The following ERBB4 variants were observed in gnomAD, a reference collection of about 807,000 sequenced individuals.
ERBB4 encodes erb-b2 receptor tyrosine kinase 4.
ERBB4 carries 42 observed loss-of-function variants against 158.0 expected under a neutral mutation model. The observed-to-expected ratio is 0.27, with a 90% CI of 0.21 to 0.34. ERBB4 has a LOEUF of 0.34. Among genes scored for constraint, ERBB4 ranks in the 10% least tolerant of loss-of-function variants. The probability of loss-of-function intolerance (pLI) is 1.00; values close to 1 mark genes in which losing one functional copy is unlikely to be tolerated. For synonymous variants in ERBB4, 583 were observed against 558.7 expected (o/e 1.04, Z -0.61); for missense variants, 1,333 against 1,624.1 (o/e 0.82, Z 3.08).
chr2:212,227,612 T>C (rs958267507), intron 1 of ERBB4, among the ~76,000 whole-genome samples: 1 of 152,166 alleles, frequency 6.6e-6, no homozygotes, highest in Non-Finnish European at 1.5e-5. Flanking sequence ...CAATGAACAT[T>C]AATTGAGCAT....
intron 19 of ERBB4, among the ~76,000 whole-genome samples, chr2:211,609,104 C>A (rs1574850920): frequency 6.6e-6 from 1 of 152,196 alleles, no homozygotes; most frequent in East Asian, 1.9e-4. Context: ...CTGACTTTCT[C>A]CTGTCCTCCT....
chr2:212,218,684 C>G (rs778811378), intron 1 of ERBB4, among the ~76,000 whole-genome samples: 1 of 151,322 alleles, frequency 6.6e-6, no homozygotes, highest in Non-Finnish European at 1.5e-5. Flanking sequence ...CTATAGTATT[C>G]ATATCTCACT....
rs915874431 is a variant in ERBB4, at chr2:211,379,191, G to A, written c.*4424C>T. 3 of 228,338 alleles carry A rather than the reference G, an allele frequency of 1.3e-5. No individual in the cohort carries two copies. Among genetic ancestry groups the A allele is most frequent in the African/African-American group, 6.7e-5 (3 of 44,844 alleles). 14.1% of individuals were successfully genotyped at this position (228,338 alleles called of 1,614,324 possible). Reference sequence around the variant, plus strand: ...AGAAAGGACATATCACCAATTAACTGTATTTTGTTTGTTTGCTAGCTAAAT... The same window carrying A: ...AGAAAGGACATATCACCAATTAACTATATTTTGTTTGTTTGCTAGCTAAAT... On this transcript the variant is annotated 3_prime_UTR_variant, in exon 28 of 28. Transcript: ENST00000342788.
chr2:211,588,454 A>G (rs2068357333), intron 19 of ERBB4, among the ~76,000 whole-genome samples: 1 of 152,186 alleles, frequency 6.6e-6, no homozygotes, highest in Non-Finnish European at 1.5e-5. Context: ...ATAGGTAGCT[A>G]AAAGAATGAG....
At chr2:211,771,916 G>T (rs778351293) in intron 4 of ERBB4, among the ~76,000 whole-genome samples, 1 of 152,026 alleles carries the variant, frequency 6.6e-6, no homozygotes, top group Non-Finnish European at 1.5e-5. Context: ...GGTGTACAAG[G>T]CCAACTACTA....
At chr2:212,260,745 G>A (rs558930232) in intron 1 of ERBB4, among the ~76,000 whole-genome samples, 3 of 151,926 alleles carry the variant, frequency 2.0e-5, no homozygotes, top group South Asian at 2.1e-4. Flanking sequence ...CCCAGGAGAC[G>A]GAGCTTGCAG....
intron 2 of ERBB4, among the ~76,000 whole-genome samples, chr2:212,063,511 A>C (rs2077843437): frequency 6.6e-6 from 1 of 152,128 alleles, no homozygotes; most frequent in Non-Finnish European, 1.5e-5. Flanking sequence ...GTAGTGCCTA[A>C]AAAGCAAAAC....
intron 1 of ERBB4, among the ~76,000 whole-genome samples, chr2:212,286,129 C>T (rs1416012827): frequency 6.6e-6 from 1 of 152,100 alleles, no homozygotes; most frequent in African/African-American, 2.4e-5. Flanking sequence ...GATTTCAAAG[C>T]AAGAGGTACA....
At chr2:211,892,585 G>C (rs1242079696) in intron 3 of ERBB4, among the ~76,000 whole-genome samples, 4 of 144,444 alleles carry the variant, frequency 2.8e-5, no homozygotes, top group Non-Finnish European at 4.5e-5. Context: ...AGGAAATAAA[G>C]GGTATTCAAA....
intron 3 of ERBB4, among the ~76,000 whole-genome samples, chr2:211,924,727 C>T (rs541274740): frequency 4.5e-4 from 68 of 152,086 alleles, no homozygotes; most frequent in South Asian, 1.7e-3. Context: ...TCTTTGTTCA[C>T]GGTCACATAG....
At chr2:212,098,155 G>T (rs994604587) in intron 2 of ERBB4, among the ~76,000 whole-genome samples, 1 of 152,126 alleles carries the variant, frequency 6.6e-6, no homozygotes, top group Non-Finnish European at 1.5e-5. Context: ...TCTCGGAACC[G>T]ATGAAGCTTA....
intron 1 of ERBB4, among the ~76,000 whole-genome samples, chr2:212,441,818 G>A (rs1354255783): frequency 1.3e-5 from 2 of 152,216 alleles, no homozygotes; most frequent in African/African-American, 4.8e-5. Context: ...AGGATCCAAA[G>A]GCTTAGGGAG....
At chr2:212,394,259 T>C (rs2090959764) in intron 1 of ERBB4, among the ~76,000 whole-genome samples, 1 of 152,074 alleles carries the variant, frequency 6.6e-6, no homozygotes, top group Admixed American at 6.6e-5. Flanking sequence ...TTCCAAAGTT[T>C]GGATAATTTA....
Position 211,750,136 on chromosome 2 carries a change from T to C in ERBB4, c.622+503A>G, listed in dbSNP as rs539408731. On this transcript the variant is annotated intron_variant, in intron 5 of 27. Coordinates refer to ENST00000342788, the MANE Select transcript of ERBB4 (RefSeq NM_005235.3). ...AAGAAACAGTATAAACTAAGGGCAA[T>C]AGTCATTGTCAAAAATAGTGACTAT... Among the ~76,000 whole-genome samples the C allele has an allele frequency of 4.1e-4, 62 of 152,312 alleles. No individual in the cohort carries two copies. The South Asian group carries it at 0.011, about 28-fold the overall frequency.
chr2:211,786,032 AGAT>A (rs2076155650), intron 4 of ERBB4, among the ~76,000 whole-genome samples: 2 of 152,204 alleles, frequency 1.3e-5, no homozygotes, highest in Non-Finnish European at 2.9e-5. Context: ...TAATTTAGAC[AGAT>A]GAAGTCTTGA....
At chr2:211,886,045 T>TA (rs540709001) in intron 3 of ERBB4, among the ~76,000 whole-genome samples, 36 of 152,078 alleles carry the variant, frequency 2.4e-4, no homozygotes, top group Non-Finnish European at 4.4e-5. Context: ...GAGAAAGAGG[T>TA]AAAAAAATGC....
At chr2:212,496,950 G>A (rs1355884056) in intron 1 of ERBB4, among the ~76,000 whole-genome samples, 1 of 151,794 alleles carries the variant, frequency 6.6e-6, no homozygotes, top group East Asian at 1.9e-4. Flanking sequence ...GAGGCCGATG[G>A]GGGTGGATCA....
chr2:212,059,708 A>G (rs2077699922), intron 2 of ERBB4, among the ~76,000 whole-genome samples: 2 of 152,250 alleles, frequency 1.3e-5, no homozygotes, highest in African/African-American at 4.8e-5. Flanking sequence ...TCCCTATTTA[A>G]TAAATGGTCC....
At chr2:211,542,946 C>T (rs549770798) in intron 20 of ERBB4, among the ~76,000 whole-genome samples, 1 of 152,032 alleles carries the variant, frequency 6.6e-6, no homozygotes, top group East Asian at 1.9e-4. Flanking sequence ...TAGTATTTTT[C>T]TGTGAAACAA....
Sources: gnomAD v4.1 joint callset for allele counts (sites outside exome capture counted in the v4.1 genomes callset) on GRCh38, gnomAD v4.1.1 for gene constraint, MANE v1.5 for transcripts, NCBI Gene and HGNC (gene_info 2026-07-23, HGNC 2026-07-21) for gene names.